The following TEAD1 variants were observed in gnomAD, a reference collection of about 807,000 sequenced individuals.
TEAD1 encodes transcriptional enhancer factor TEF-1.
Under a neutral mutation model 54.9 loss-of-function variants are expected in TEAD1, and 9 were observed. The ratio of observed to expected loss-of-function variants is 0.16; its 90% CI spans 0.10 to 0.29. TEAD1 has a LOEUF of 0.29. TEAD1 is among the 10% of genes least tolerant of loss of function. The pLI is 1.00. For missense variants in TEAD1, 387 were observed against 535.9 expected, an observed-to-expected ratio of 0.72 and a Z score of 2.74; for synonymous variants, 200 against 187.8, an observed-to-expected ratio of 1.07 and a Z score of -0.53.
chr11:12,797,542 T>G (rs896197842), intron 3 of TEAD1, among the ~76,000 whole-genome samples: 3 of 152,034 alleles, frequency 2.0e-5, no homozygotes, highest in Non-Finnish European at 2.9e-5. Flanking sequence ...AAGTCTTGGA[T>G]GTGCATGCTG....
chr11:12,925,616 G>A (rs1394984242), intron 11 of TEAD1, among the ~76,000 whole-genome samples: 5 of 152,330 alleles, frequency 3.3e-5, no homozygotes, highest in South Asian at 2.1e-4. Flanking sequence ...AGGATGTCCC[G>A]TGCCAGTCCT....
At position 12,850,296 on chromosome 11, in the gene TEAD1, C is replaced by T. The variant is rs181651201; in HGVS notation, c.203-11954C>T. On this transcript the variant is annotated intron_variant, in intron 3 of 12. Transcript: ENST00000527636. ...ACTAAATAACAAACAATTAGCCTGG[C>T]GTGGTGGCTCATGCCTGTAATCCCA... 1.1e-3 allele frequency among the ~76,000 whole-genome samples: 164 copies of T among 152,214 alleles called. 1 individual carries two copies. Among genetic ancestry groups the T allele is most frequent in the African/African-American group, 3.3e-3 (136 of 41,544 alleles).
intron 12 of TEAD1, among the ~76,000 whole-genome samples, chr11:12,930,850 C>G (rs896488656): frequency 1.3e-5 from 2 of 152,140 alleles, no homozygotes; most frequent in African/African-American, 4.8e-5. Context: ...CCAAGGCCTT[C>G]TAAGAAGTTA....
intron 2 of TEAD1, among the ~76,000 whole-genome samples, chr11:12,744,545 A>G (rs745667269): frequency 4.3e-4 from 65 of 152,348 alleles, no homozygotes; most frequent in Non-Finnish European, 8.2e-4. Flanking sequence ...AAGAAAGGAC[A>G]TCAAAATGCA....
At chr11:12,835,349 G>A (rs903577731) in intron 3 of TEAD1, among the ~76,000 whole-genome samples, 23 of 152,080 alleles carry the variant, frequency 1.5e-4, no homozygotes, top group Admixed American at 4.6e-4. Context: ...AGGTTGGTTG[G>A]TTGGTTGGTT....
chr11:12,893,235 G>C (rs934122441), intron 9 of TEAD1, among the ~76,000 whole-genome samples: 1 of 152,302 alleles, frequency 6.6e-6, no homozygotes, highest in Middle Eastern at 3.4e-3. Context: ...ATGTCTCTCA[G>C]GTTTTTCTCA....
At chr11:12,716,886 C>T (rs1291342923) in intron 2 of TEAD1, among the ~76,000 whole-genome samples, 4 of 152,240 alleles carry the variant, frequency 2.6e-5, no homozygotes, top group Non-Finnish European at 5.9e-5. Context: ...AGATCAGAAG[C>T]CTGGCTCTGC....
chr11:12,779,197 C>G (rs1945494298), intron 3 of TEAD1, among the ~76,000 whole-genome samples: 1 of 152,118 alleles, frequency 6.6e-6, no homozygotes, highest in South Asian at 2.1e-4. Flanking sequence ...ACTGATTATT[C>G]TAAGATGACA....
intron 5 of TEAD1, among the ~76,000 whole-genome samples, chr11:12,874,430 C>T (rs1402796133): frequency 6.6e-6 from 1 of 152,140 alleles, no homozygotes; most frequent in African/African-American, 2.4e-5. Context: ...TAGATATTTT[C>T]CAAACATTGT....
Position 12,770,021 on chromosome 11 carries a change from T to G in TEAD1, c.202+5587T>G, listed in dbSNP as rs1945283524. Among the ~76,000 whole-genome samples, 3 of 152,178 alleles carry G rather than the reference T, an allele frequency of 2.0e-5. No homozygotes were observed. The South Asian group carries it at 6.2e-4, about 31-fold the overall frequency. ...GAGGAAGATGTTTATTTAATGATCT[T>G]AGATTGAGAAAGAAGAAGCCCTATT... is the stretch of plus-strand genomic sequence containing the variant. On this transcript the variant is annotated intron_variant, in intron 3 of 12. Coordinates refer to ENST00000527636, the MANE Select transcript of TEAD1 (RefSeq NM_021961.6).
chr11:12,701,935 G>C (rs1943712015), intron 2 of TEAD1, among the ~76,000 whole-genome samples: 2 of 152,214 alleles, frequency 1.3e-5, no homozygotes, highest in African/African-American at 4.8e-5. Context: ...TGCAGGAAAT[G>C]TCATTTGGTT....
chr11:12,927,962 A>G (rs2134166688), intron 11 of TEAD1, among the ~76,000 whole-genome samples: 1 of 152,256 alleles, frequency 6.6e-6, no homozygotes, highest in East Asian at 1.9e-4. Context: ...GCCCTTTAGG[A>G]TTATATTTAC....
intron 5 of TEAD1, among the ~76,000 whole-genome samples, chr11:12,871,420 G>GT (rs1209544291): frequency 6.6e-6 from 1 of 152,136 alleles, no homozygotes; most frequent in Non-Finnish European, 1.5e-5. Context: ...GTCATTAACT[G>GT]TTTTTTTAAG....
intron 9 of TEAD1, among the ~76,000 whole-genome samples, chr11:12,885,252 T>C (rs1052660826): frequency 1.4e-5 from 2 of 139,594 alleles, no homozygotes; most frequent in East Asian, 4.3e-4. Flanking sequence ...TTTTTTTTTT[T>C]TGAGACAGCG....
At chr11:12,824,733 C>G (rs796521867) in intron 3 of TEAD1, among the ~76,000 whole-genome samples, 21 of 152,226 alleles carry the variant, frequency 1.4e-4, no homozygotes, top group African/African-American at 4.8e-4. Flanking sequence ...CCAGTTCCTC[C>G]CAGTCCTGAA....
intron 5 of TEAD1, chr11:12,878,851 TG>T: frequency 4.0e-6 from 5 of 1,262,316 alleles, no homozygotes; most frequent in Non-Finnish European, 5.1e-6. Context: ...TCCCTTTTTA[TG>T]CAATCCTTTT....
chr11:12,684,447 G>A (rs1035546234), intron 2 of TEAD1, among the ~76,000 whole-genome samples: 1 of 152,210 alleles, frequency 6.6e-6, no homozygotes, highest in African/African-American at 2.4e-5. Context: ...TCTTTTCATA[G>A]CAAAACAATG....
At chr11:12,836,740 ATTCTTG>A (rs1946901008) in intron 3 of TEAD1, among the ~76,000 whole-genome samples, 1 of 152,216 alleles carries the variant, frequency 6.6e-6, no homozygotes. Flanking sequence ...AAAACCACCC[ATTCTTG>A]TGCTGACTAT....
chr11:12,697,619 A>T (rs2133833498), intron 2 of TEAD1, among the ~76,000 whole-genome samples: 1 of 152,246 alleles, frequency 6.6e-6, no homozygotes, highest in East Asian at 1.9e-4. Context: ...AACATGTTTT[A>T]CTTGTTTTGT....
Sources: allele counts gnomAD v4.1 joint callset (sites outside exome capture counted in the v4.1 genomes callset), GRCh38; gene constraint gnomAD v4.1.1; transcripts MANE v1.5; gene names NCBI Gene and HGNC (gene_info 2026-07-23, HGNC 2026-07-21).